Variants in SCYL1 observed in about 807,000 individuals in gnomAD.
The protein encoded by SCYL1 is N-terminal kinase-like protein.
In SCYL1, 85 loss-of-function variants were observed where a neutral mutation model predicts 94.8. The ratio of observed to expected loss-of-function variants is 0.90; its 90% CI spans 0.75 to 1.07. The LOEUF (loss-of-function observed/expected upper bound fraction) is 1.07, where lower values mean the gene tolerates loss of function less well. SCYL1 is among the 50% of genes least tolerant of loss of function. The pLI, the probability that SCYL1 is intolerant of heterozygous loss-of-function variation, is 0.00. For missense variants in SCYL1, 968 were observed against 1,083.3 expected (o/e 0.89, Z 1.49); for synonymous variants, 459 against 435.5 (o/e 1.05, Z -0.67).
rs767193601 is a variant in SCYL1, at chr11:65,536,352, G to T, written c.1651+18G>T. ...GGAAGTGGGTGAGTGGCTTACACTC[G>T]TGTTCCCTCTTTCCCTGCCATGTCC... On this transcript the variant is annotated intron_variant, in intron 12 of 17. Coordinates refer to ENST00000270176, the MANE Select transcript of SCYL1 (RefSeq NM_020680.4). The T allele has an allele frequency of 6.2e-7, 1 of 1,611,500 alleles. No individual in the cohort carries two copies. The highest frequency in any genetic ancestry group is 1.7e-5 in the Admixed American group (1 of 60,002).
At chr11:65,525,517 G>A in intron 1 of SCYL1, 57 bp from the exon 2 acceptor site, 1 of 1,578,680 alleles carries the variant, frequency 6.3e-7, no homozygotes, top group Non-Finnish European at 8.6e-7. Flanking sequence ...GCGGGCCCTT[G>A]TCTTCCGGCC....
chr11:65,526,707 G>A lies in SCYL1; in HGVS notation c.603-76G>A. 3 of 1,425,910 alleles carry A rather than the reference G, an allele frequency of 2.1e-6. No individual in the cohort carries two copies. The highest frequency in any genetic ancestry group is 1.2e-5 in the South Asian group (1 of 82,618). 88.3% of individuals were successfully genotyped at this position (1,425,910 alleles called of 1,614,324 possible). On this transcript the variant is annotated intron_variant, in intron 4 of 17. Transcript: ENST00000270176. The surrounding 1 kb of genome is among the most constrained non-coding windows in gnomAD (Gnocchi z 4.1). ...AGCCAGGCCCTGGCATGCAGTGGGT[G>A]CCTGGTGCCCAAGGCAGGCTGGAGG...
Position 65,526,419 on chromosome 11 carries a change from A to T in SCYL1, c.602+69A>T. 1 of 1,302,154 alleles carries T rather than the reference A, an allele frequency of 7.7e-7. No individual in the cohort carries two copies. Among genetic ancestry groups the T allele is most frequent in the Non-Finnish European group, 1.1e-6 (1 of 943,628 alleles). The allele number at this position is 1,302,154 out of a possible 1,614,324, so 80.7% of individuals were successfully genotyped here. ...AGGCCCCTGCAGCCTCAGGACTCCT[A>T]GACTAGTTGGCACTCCCCTGTTCCC... On this transcript the variant is annotated intron_variant, in intron 4 of 17. Transcript: ENST00000270176. This position sits in a 1 kb window ranked among gnomAD's most constrained non-coding sequence, Gnocchi z 4.1.
rs928104267 is a variant in SCYL1 at position 65,536,138 on chromosome 11, C to T, written c.1572C>T (p.Asp524=). Residue 524 remains aspartate (D), a synonymous_variant, in exon 11 of 18, where the codon GAC becomes GAT. Coordinates refer to ENST00000270176, the MANE Select transcript of SCYL1 (RefSeq NM_020680.4). ...LTVDPEKSVR[D]QAFKAIRSFL... is the part of the protein sequence containing the mutation. Reference sequence around the variant, plus strand: ...TAGATCCTGAGAAATCCGTGCGAGACCAGGTGAGGCACAGCTGGGCCTGGG... The same window carrying T: ...TAGATCCTGAGAAATCCGTGCGAGATCAGGTGAGGCACAGCTGGGCCTGGG... The T allele has an allele frequency of 6.2e-7, 1 of 1,612,838 alleles. No homozygotes were observed.
intron 9 of SCYL1, chr11:65,533,160 G>A (rs368324421): frequency 1.8e-4 from 45 of 254,446 alleles, no homozygotes; most frequent in African/African-American, 8.8e-4. Context: ...GGTGGCTCAC[G>A]CCCATAATCC....
chr11:65,526,875 T>C lies in SCYL1; in HGVS notation c.693+2T>C. Reference sequence around the variant, plus strand: ...GCAGCCCTACGCAACCCTGGGAAGGTAAGTTTCTTGCCCCTGGCTCTTTGC... The same window carrying C: ...GCAGCCCTACGCAACCCTGGGAAGGCAAGTTTCTTGCCCCTGGCTCTTTGC... On this transcript the variant is annotated splice_donor_variant, in intron 5 of 17. Coordinates refer to ENST00000270176, the MANE Select transcript of SCYL1 (RefSeq NM_020680.4). LOFTEE classifies it high-confidence loss of function. The surrounding 1 kb of genome is among the most constrained non-coding windows in gnomAD (Gnocchi z 4.1). 1.2e-6 allele frequency: 2 copies of C among 1,613,068 alleles called. No individual in the cohort carries two copies. Among genetic ancestry groups the C allele is most frequent in the East Asian group, 2.2e-5 (1 of 44,856 alleles).
chr11:65,527,080 G>A lies in SCYL1; in HGVS notation c.812G>A (p.Arg271His), dbSNP rs201160219. 7.6e-5 allele frequency: 123 copies of A among 1,613,584 alleles called. No homozygotes were observed. The African/African-American group carries it at 1.3e-3, about 17-fold the overall frequency. The change falls in exon 6 of 18, where the codon CGC becomes CAC. Residue 271 changes from arginine to histidine, a missense_variant. Transcript: ENST00000270176. Reference sequence around the variant, plus strand: ...GCACCTGGTGGCTTCATGAGCAACCGCTTTGTAGAAACCAACCTCTTCCTG... The same window carrying A: ...GCACCTGGTGGCTTCATGAGCAACCACTTTGTAGAAACCAACCTCTTCCTG... Reference protein sequence around the residue: ...CRAPGGFMSNRFVETNLFLEE... With the variant: ...CRAPGGFMSNHFVETNLFLEE...
chr11:65,536,705 A>C lies in SCYL1; in HGVS notation c.1771A>C (p.Thr591Pro), dbSNP rs751208419. The C allele has an allele frequency of 6.2e-7, 1 of 1,611,236 alleles. No homozygotes were observed. Among genetic ancestry groups the C allele is most frequent in the Non-Finnish European group, 8.5e-7 (1 of 1,177,710 alleles). ...TSKLIRSHPT[T>P]APTETNIPQR... Reference sequence around the variant, plus strand: ...CAAGCTGATCCGTTCGCACCCAACCACTGCCCCAACAGAAACCAACATTCC... The same window carrying C: ...CAAGCTGATCCGTTCGCACCCAACCCCTGCCCCAACAGAAACCAACATTCC... The change falls in exon 13 of 18, where the codon ACT (threonine) becomes CCT (proline). Residue 591 changes from threonine to proline, a missense_variant. Transcript: ENST00000270176.
chr11:65,525,323 G>T, intron 1 of SCYL1, 59 bp downstream of exon 1: 1 of 1,264,134 alleles, frequency 7.9e-7, no homozygotes, highest in South Asian at 1.7e-5. Context: ...ATTCCGCGCC[G>T]CCGACCCCGT....
At position 65,526,249 on chromosome 11, in the gene SCYL1, G is replaced by A. The variant is rs776128320; in HGVS notation, c.501G>A (p.Gln167=). The A allele has an allele frequency of 6.2e-7, 1 of 1,613,262 alleles. No individual in the cohort carries two copies. The highest frequency in any genetic ancestry group is 8.5e-7 in the Non-Finnish European group (1 of 1,179,976). The stretch of plus-strand genomic sequence containing the variant: ...GCCTGGACTACATGTATTCGGCCCA[G>A]GGCAACGGTGGGGGACCTCCCCGCA... ...LGGLDYMYSA[Q]GNGGGPPRKG... The change falls in exon 4 of 18, where the codon CAG becomes CAA. Residue 167 remains glutamine, a synonymous_variant. Transcript: ENST00000270176. This position sits in a 1 kb window ranked among gnomAD's most constrained non-coding sequence, Gnocchi z 4.1.
chr11:65,525,922 C>G lies in SCYL1; in HGVS notation c.254C>G (p.Thr85Arg), dbSNP rs1359896541. 1 of 1,612,882 alleles carries G rather than the reference C, an allele frequency of 6.2e-7. No individual in the cohort carries two copies. Among genetic ancestry groups the G allele is most frequent in the South Asian group, 1.1e-5 (1 of 90,968 alleles). The change falls in exon 3 of 18, where the codon ACA becomes AGA. Residue 85 changes from threonine to arginine, a missense_variant and splice_region_variant. Physicochemically the swap from Thr to Arg is moderately conservative, Grantham distance 71. Around this residue, in one of 2 missense-constraint regions of SCYL1, gnomAD observed 494 missense variants for 619.7 expected, o/e 0.80. Transcript: ENST00000270176. The part of the protein sequence containing the change: ...NILAYIDGLE[T>R]EKCLHVVTEA... ...ATAACCCTGTGTCCCCTTCCCCAGA[C>G]AGAAAAATGCCTCCACGTCGTGACA...
At chr11:65,536,850 G>A (rs992762041) in intron 13 of SCYL1, 100 bp downstream of exon 13, 1 of 1,419,472 alleles carries the variant, frequency 7.0e-7, no homozygotes, top group Non-Finnish European at 9.8e-7. Flanking sequence ...TGGTGAAGGG[G>A]ATATAGGAGC....
intron 8 of SCYL1, among the ~76,000 whole-genome samples, chr11:65,531,945 G>A (rs935292867): frequency 6.6e-6 from 1 of 152,212 alleles, no homozygotes; most frequent in Non-Finnish European, 1.5e-5. Flanking sequence ...GCCCTCTAGA[G>A]TGGGGATACA....
rs1855097795 is a variant in SCYL1 at position 65,526,638 on chromosome 11, A to T, written c.603-145A>T. On this transcript the variant is annotated intron_variant, in intron 4 of 17. Coordinates refer to ENST00000270176, the MANE Select transcript of SCYL1 (RefSeq NM_020680.4). The surrounding 1 kb of genome is among the most constrained non-coding windows in gnomAD (Gnocchi z 4.1). ...TTTTTTTAATCTGTTAAGTGAGGCT[A>T]ATGAAACCTGCCTCTTGGGACTGAT... 1 of 752,814 alleles carries T rather than the reference A, an allele frequency of 1.3e-6. No individual in the cohort carries two copies. The highest frequency in any genetic ancestry group is 2.1e-6 in the Non-Finnish European group (1 of 465,944). The allele number at this position is 752,814 out of a possible 1,614,324, so 46.6% of individuals were successfully genotyped here. A position where few individuals can be genotyped will look rare whatever the true frequency, so the allele number is the denominator to read the frequency against.
At chr11:65,533,639 G>A (rs1377814719) in intron 9 of SCYL1, among the ~76,000 whole-genome samples, 1 of 151,624 alleles carries the variant, frequency 6.6e-6, no homozygotes, top group Non-Finnish European at 1.5e-5. Flanking sequence ...AGTTAGGCGC[G>A]TATGGTGATG....
At position 65,530,610 on chromosome 11, in the gene SCYL1, C is replaced by T. The variant is rs1431858566; in HGVS notation, c.850-19C>T. On this transcript the variant is annotated intron_variant, in intron 6 of 17. Transcript: ENST00000270176. Reference sequence around the variant, plus strand: ...AACCAGGCTGATCTCTTCCCCGGGTCCCGTCCTCACTCCCCCAGATCAAAG... The same window carrying T: ...AACCAGGCTGATCTCTTCCCCGGGTTCCGTCCTCACTCCCCCAGATCAAAG... 5 of 1,606,946 alleles carry T rather than the reference C, an allele frequency of 3.1e-6. No homozygotes were observed. The South Asian group carries it at 4.4e-5, about 14-fold the overall frequency.
At chr11:65,534,455 T>C (rs185952796) in intron 9 of SCYL1, among the ~76,000 whole-genome samples, 26 of 152,212 alleles carry the variant, frequency 1.7e-4, no homozygotes, top group African/African-American at 6.3e-4. Context: ...CTGAGGCTTG[T>C]GGCCTGAGCA....
intron 14 of SCYL1, among the ~76,000 whole-genome samples, 190 bp from the exon 15 acceptor site, chr11:65,537,619 C>T (rs1263952854): frequency 6.6e-6 from 1 of 152,144 alleles, no homozygotes; most frequent in African/African-American, 2.4e-5. Flanking sequence ...GATCTCATTC[C>T]CCAGCCTTAA....
chr11:65,538,251 C>T lies in SCYL1; in HGVS notation c.2248-19C>T, dbSNP rs568840063. ...CAGCCAGAAGTGGGCCCCACTGCAG[C>T]CCACACTTCTCTTTACAGCCGAGGC... On this transcript the variant is annotated intron_variant, in intron 16 of 17. Transcript: ENST00000270176. 36 of 1,554,032 alleles carry T rather than the reference C, an allele frequency of 2.3e-5. 1 individual carries two copies. In the South Asian group the frequency reaches 3.9e-4, roughly 17 times the overall value.
Sources: gnomAD v4.1 joint callset for allele counts (sites outside exome capture counted in the v4.1 genomes callset) on GRCh38, gnomAD v4.1.1 for gene constraint, gnomAD v4.1.1 regional missense constraint, Gnocchi (gnomAD v3.1) non-coding constraint, MANE v1.5 for transcripts, NCBI Gene and HGNC (gene_info 2026-07-23, HGNC 2026-07-21) for gene names.